MNAT1: variants seen among roughly 807,000 people sequenced by gnomAD.
MNAT1 encodes MNAT1 component of CDK activating kinase, also known as CDK-activating kinase assembly factor MAT1.
A neutral mutation model predicts 42.0 loss-of-function variants in MNAT1; 43 were observed. The observed-to-expected ratio is 1.02, with a 90% CI of 0.80 to 1.32. The LOEUF (loss-of-function observed/expected upper bound fraction) is 1.32. MNAT1 is among the 40% of genes most tolerant of loss of function. The pLI, the probability that MNAT1 is intolerant of heterozygous loss-of-function variation, is 0.00. For missense variants in MNAT1, 306 were observed against 350.4 expected, an observed-to-expected ratio of 0.87 and a Z score of 1.01; for synonymous variants, 118 against 120.0, an observed-to-expected ratio of 0.98 and a Z score of 0.11.
At chr14:60,744,299 T>A (rs903617082) in intron 1 of MNAT1, among the ~76,000 whole-genome samples, 7 of 152,062 alleles carry the variant, frequency 4.6e-5, no homozygotes, top group African/African-American at 1.7e-4. Context: ...GCCTGGCTAA[T>A]TTTTGTATTT....
At chr14:60,845,341 A>G (rs2033656273) in intron 6 of MNAT1, among the ~76,000 whole-genome samples, 1 of 151,996 alleles carries the variant, frequency 6.6e-6, no homozygotes, top group Non-Finnish European at 1.5e-5. Context: ...TTTTTCAAAG[A>G]ATTTGAGAAT....
chr14:60,951,471 C>T (rs1289385728), intron 7 of MNAT1, among the ~76,000 whole-genome samples: 2 of 151,912 alleles, frequency 1.3e-5, no homozygotes, highest in African/African-American at 4.8e-5. Flanking sequence ...GTTTTCCTCA[C>T]ATATGTCTTT....
At chr14:60,772,227 C>A (rs926901774) in intron 1 of MNAT1, among the ~76,000 whole-genome samples, 1 of 152,120 alleles carries the variant, frequency 6.6e-6, no homozygotes, top group Non-Finnish European at 1.5e-5. Context: ...GCACCACTGC[C>A]TCCAGACTGG....
intron 5 of MNAT1, among the ~76,000 whole-genome samples, chr14:60,812,492 A>G (rs1329067874): frequency 1.3e-5 from 2 of 152,198 alleles, no homozygotes; most frequent in African/African-American, 2.4e-5. Context: ...CCCCATCTCC[A>G]TGTTGAAGAC....
chr14:60,862,527 A>T (rs537385503), intron 6 of MNAT1, among the ~76,000 whole-genome samples: 1 of 152,214 alleles, frequency 6.6e-6, no homozygotes, highest in Non-Finnish European at 1.5e-5. Context: ...AACAGGTTCA[A>T]CTTGTCCGTG....
In MNAT1 at chr14:60,941,703, TAAA is replaced by T. The variant is rs74849961; in HGVS notation, c.810-26515_810-26513del. Among the ~76,000 whole-genome samples the T allele has an allele frequency of 2.1e-5, 3 of 139,898 alleles. No individual in the cohort carries two copies. In the South Asian group the frequency reaches 6.8e-4, roughly 32 times the overall value. The allele number at this position is 139,898 out of a possible 152,430, so 91.8% of individuals were successfully genotyped here. A position where few individuals can be genotyped will look rare whatever the true frequency, so the allele number is the denominator to read the frequency against. On this transcript the variant is annotated intron_variant, in intron 7 of 7. Coordinates refer to ENST00000261245, the MANE Select transcript of MNAT1 (RefSeq NM_002431.4). The stretch of plus-strand genomic sequence containing the variant: ...AGCAATAGAGTTAGACCCTGTTTCT[TAAA>T]AAAAAAAAAAGTCAATGGCCGGGCG...
chr14:60,876,931 C>CT (rs1381715770), intron 6 of MNAT1, among the ~76,000 whole-genome samples: 4 of 152,012 alleles, frequency 2.6e-5, no homozygotes, highest in African/African-American at 4.8e-5. Context: ...CCTGCTTTCA[C>CT]TTTCGGGTAT....
chr14:60,886,191 A>ACTTTGTT (rs1175542743), intron 7 of MNAT1, among the ~76,000 whole-genome samples: 1 of 151,816 alleles, frequency 6.6e-6, no homozygotes, highest in Non-Finnish European at 1.5e-5. Flanking sequence ...GGTGTTTCCA[A>ACTTTGTT]CTTTGTTCTT....
chr14:60,746,134 C>T (rs1431915333), intron 1 of MNAT1, among the ~76,000 whole-genome samples: 1 of 152,098 alleles, frequency 6.6e-6, no homozygotes, highest in Non-Finnish European at 1.5e-5. Flanking sequence ...TATAGGCCAG[C>T]CATTTAACTT....
chr14:60,914,360 G>T (rs1311776283), intron 7 of MNAT1, among the ~76,000 whole-genome samples: 1 of 152,204 alleles, frequency 6.6e-6, no homozygotes, highest in Non-Finnish European at 1.5e-5. Context: ...ACTTCCCTGT[G>T]AGATGAACCC....
chr14:60,774,681 G>A (rs1366729041), intron 1 of MNAT1, among the ~76,000 whole-genome samples: 1 of 152,154 alleles, frequency 6.6e-6, no homozygotes, highest in Non-Finnish European at 1.5e-5. Flanking sequence ...ATGGCCAAAA[G>A]CAGATGTATT....
chr14:60,826,927 C>A (rs1367481537), intron 6 of MNAT1, among the ~76,000 whole-genome samples: 1 of 151,510 alleles, frequency 6.6e-6, no homozygotes, highest in African/African-American at 2.4e-5. Flanking sequence ...CAATAAATAT[C>A]CATGCAAGTA....
intron 6 of MNAT1, among the ~76,000 whole-genome samples, chr14:60,864,777 C>T (rs566667137): frequency 3.3e-5 from 5 of 151,668 alleles, no homozygotes; most frequent in East Asian, 3.9e-4. Flanking sequence ...AGTGTGATAG[C>T]GGTGGTGGTG....
In MNAT1 at chr14:60,847,221, G is replaced by A. The variant is rs1005278593; in HGVS notation, c.687+28374G>A. The stretch of plus-strand genomic sequence containing the variant: ...AGATCGAGACCATCCTGGCTAACAC[G>A]GTGAAACCCCGTCTCTACTAAAAAT... On this transcript the variant is annotated intron_variant, in intron 6 of 7. Transcript: ENST00000261245. Among the ~76,000 whole-genome samples the A allele has an allele frequency of 5.3e-5, 8 of 151,902 alleles. No individual in the cohort carries two copies. The South Asian group carries it at 6.2e-4, about 12-fold the overall frequency.
At chr14:60,867,045 C>T (rs2139442761) in intron 6 of MNAT1, among the ~76,000 whole-genome samples, 1 of 152,136 alleles carries the variant, frequency 6.6e-6, no homozygotes, top group African/African-American at 2.4e-5. Context: ...CTGTAGTAAA[C>T]AGATTTTGAT....
chr14:60,831,422 G>A (rs2033212055), intron 6 of MNAT1, among the ~76,000 whole-genome samples: 1 of 152,174 alleles, frequency 6.6e-6, no homozygotes, highest in African/African-American at 2.4e-5. Flanking sequence ...GTGAGAACAT[G>A]TGGTGTTTAG....
chr14:60,888,368 T>G (rs1232428287), intron 7 of MNAT1, among the ~76,000 whole-genome samples: 1 of 152,066 alleles, frequency 6.6e-6, no homozygotes, highest in South Asian at 2.1e-4. Flanking sequence ...TCTCAATAGA[T>G]GCAGAAAAGC....
chr14:60,885,333 CT>C (rs1346002285), intron 7 of MNAT1, among the ~76,000 whole-genome samples: 1 of 151,828 alleles, frequency 6.6e-6, no homozygotes, highest in Admixed American at 6.6e-5. Context: ...TAGATTTGCA[CT>C]TTTGAGGCTA....
chr14:60,887,089 G>C (rs1566535655), intron 7 of MNAT1, among the ~76,000 whole-genome samples: 1 of 151,964 alleles, frequency 6.6e-6, no homozygotes, highest in Non-Finnish European at 1.5e-5. Flanking sequence ...TTTGTCAAAT[G>C]CTTTCCCTGC....
Sources: gnomAD v4.1 joint callset for allele counts (sites outside exome capture counted in the v4.1 genomes callset) on GRCh38, gnomAD v4.1.1 for gene constraint, MANE v1.5 for transcripts, NCBI Gene and HGNC (gene_info 2026-07-23, HGNC 2026-07-21) for gene names.